RGS7: variants seen among roughly 807,000 people sequenced by gnomAD.
RGS7 encodes regulator of G protein signaling 7, also known as regulator of G-protein signaling 7.
Under a neutral mutation model 81.1 loss-of-function variants are expected in RGS7, and 27 were observed. That is an observed-to-expected ratio of 0.33 (90% CI 0.25 to 0.46). The LOEUF is 0.46. Among genes scored for constraint, RGS7 ranks in the 20% least tolerant of loss-of-function variants. The pLI, the probability that RGS7 is intolerant of heterozygous loss-of-function variation, is 1.00. For synonymous variants in RGS7, 208 were observed against 207.7 expected, an observed-to-expected ratio of 1.00 and a Z score of -0.01; for missense variants, 396 against 607.4, an observed-to-expected ratio of 0.65 and a Z score of 3.66.
intron 2 of RGS7, among the ~76,000 whole-genome samples, chr1:241,284,321 A>G (rs1056927719): frequency 2.6e-5 from 4 of 151,934 alleles, no homozygotes; most frequent in African/African-American, 7.3e-5. Flanking sequence ...GAACCACCCC[A>G]TGACTACCAG....
intron 2 of RGS7, among the ~76,000 whole-genome samples, chr1:241,125,563 C>T (rs1022376249): frequency 6.6e-6 from 1 of 152,150 alleles, no homozygotes; most frequent in Non-Finnish European, 1.5e-5. Context: ...CCTAAATATG[C>T]TCTGCAAGGA....
chr1:240,781,673 T>C (rs1016041893), intron 18 of RGS7, among the ~76,000 whole-genome samples: 1 of 152,136 alleles, frequency 6.6e-6, no homozygotes, highest in African/African-American at 2.4e-5. Context: ...GGATATTTGT[T>C]TTGTATATTG....
In RGS7 at chr1:241,031,605, G is replaced by T. The variant is rs1000108537; in HGVS notation, c.176-48476C>A. On this transcript the variant is annotated intron_variant, in intron 3 of 18. Coordinates refer to ENST00000440928, the MANE Select transcript of RGS7 (RefSeq NM_001364886.1). ...GCATTTCCACCCACATTGTATAAACGTTCCTTTTTCTCCACATCCTCGCCA... is the reference window on the plus strand; with the variant it reads ...GCATTTCCACCCACATTGTATAAACTTTCCTTTTTCTCCACATCCTCGCCA... Among the ~76,000 whole-genome samples the T allele has an allele frequency of 1.3e-5, 2 of 152,174 alleles. 1 individual carries two copies. Among genetic ancestry groups the T allele is most frequent in the South Asian group, 4.1e-4 (2 of 4,822 alleles).
intron 2 of RGS7, among the ~76,000 whole-genome samples, chr1:241,151,464 A>G (rs888962826): frequency 6.6e-6 from 1 of 152,094 alleles, no homozygotes; most frequent in Non-Finnish European, 1.5e-5. Flanking sequence ...GAAGGGCTGA[A>G]GAAGGGATCC....
chr1:240,860,941 A>T (rs977681160), intron 9 of RGS7, among the ~76,000 whole-genome samples: 2 of 152,026 alleles, frequency 1.3e-5, no homozygotes, highest in African/African-American at 4.8e-5. Context: ...TCTGCTACGA[A>T]CCCTTAGCAA....
At chr1:241,199,100 A>C (rs2948062) in intron 2 of RGS7, among the ~76,000 whole-genome samples, 35,143 of 151,944 alleles carry the variant, frequency 0.23, 6,148 homozygotes, top group African/African-American at 0.49. Flanking sequence ...AAATGTAAAA[A>C]AAAGAAGTCA....
chr1:241,033,035 C>T (rs785544), intron 3 of RGS7, among the ~76,000 whole-genome samples: 70,026 of 151,856 alleles, frequency 0.46, 16,572 homozygotes, highest in Middle Eastern at 0.55. Context: ...ATTCTTCTTA[C>T]GGAAAAGTGG....
At chr1:240,932,446 A>G (rs572289284) in intron 5 of RGS7, among the ~76,000 whole-genome samples, 2 of 151,918 alleles carry the variant, frequency 1.3e-5, no homozygotes, top group African/African-American at 4.8e-5. Flanking sequence ...AATAAAATTG[A>G]ATCAGGATTC....
At chr1:240,897,677 G>A (rs972423492) in intron 6 of RGS7, among the ~76,000 whole-genome samples, 20 of 152,080 alleles carry the variant, frequency 1.3e-4, no homozygotes, top group Middle Eastern at 3.2e-3. Flanking sequence ...TGCTGGATTC[G>A]GTTTGCCCGT....
intron 2 of RGS7, among the ~76,000 whole-genome samples, chr1:241,339,380 G>T (rs752113682): frequency 6.6e-6 from 1 of 152,144 alleles, no homozygotes; most frequent in Non-Finnish European, 1.5e-5. Context: ...ACATTAAATT[G>T]AACCATATGC....
chr1:241,171,619 A>C (rs2070739611), intron 2 of RGS7, among the ~76,000 whole-genome samples: 1 of 152,218 alleles, frequency 6.6e-6, no homozygotes, highest in Admixed American at 6.5e-5. Context: ...TGATTCCTAG[A>C]GGACTTTAAC....
intron 2 of RGS7, among the ~76,000 whole-genome samples, chr1:241,150,913 G>A (rs1350784556): frequency 1.3e-5 from 2 of 152,186 alleles, no homozygotes; most frequent in African/African-American, 2.4e-5. Context: ...GAGGGCCACT[G>A]TTGCAAGCCC....
At chr1:241,310,964 T>C (rs1207200765) in intron 2 of RGS7, among the ~76,000 whole-genome samples, 2 of 152,170 alleles carry the variant, frequency 1.3e-5, no homozygotes, top group Non-Finnish European at 2.9e-5. Context: ...TGGAATGCAA[T>C]GGAAGACAGA....
At chr1:241,235,677 TTTCTTTCTCTCTC>T (rs1558220102) in intron 2 of RGS7, among the ~76,000 whole-genome samples, 10 of 73,942 alleles carry the variant, frequency 1.4e-4, no homozygotes, top group African/African-American at 4.7e-4. Flanking sequence ...TCTCTCTCTC[TTTCTTTCTCTCTC>T]TCTTTCTCTC....
intron 3 of RGS7, among the ~76,000 whole-genome samples, chr1:241,033,590 C>T (rs1184172011): frequency 5.3e-5 from 8 of 151,396 alleles, no homozygotes; most frequent in African/African-American, 1.9e-4. Context: ...TTTTACTGCC[C>T]TTTACTATTC....
At chr1:241,118,216 T>C (rs563232871) in intron 2 of RGS7, among the ~76,000 whole-genome samples, 2 of 152,186 alleles carry the variant, frequency 1.3e-5, no homozygotes, top group Admixed American at 6.5e-5. Context: ...GTACATTCCA[T>C]GAGGAAATAA....
chr1:240,990,220 C>A (rs985931015), intron 3 of RGS7, among the ~76,000 whole-genome samples: 9 of 152,018 alleles, frequency 5.9e-5, no homozygotes, highest in Non-Finnish European at 1.3e-4. Flanking sequence ...AGAATGAGTG[C>A]TTTGCAGACA....
intron 2 of RGS7, among the ~76,000 whole-genome samples, chr1:241,232,981 A>T (rs1014970203): frequency 6.6e-6 from 1 of 152,054 alleles, no homozygotes; most frequent in Non-Finnish European, 1.5e-5. Context: ...TGGCTTATAT[A>T]AAAAAAATCT....
chr1:241,147,781 TA>T (rs1237408926), intron 2 of RGS7, among the ~76,000 whole-genome samples: 221 of 10,434 alleles, frequency 0.021, 13 homozygotes, highest in Middle Eastern at 0.036. Context: ...GATTAAGTTT[TA>T]TATATATATA....
Sources: allele counts gnomAD v4.1 joint callset (sites outside exome capture counted in the v4.1 genomes callset), GRCh38; gene constraint gnomAD v4.1.1; transcripts MANE v1.5; gene names NCBI Gene and HGNC (gene_info 2026-07-23, HGNC 2026-07-21).